Variants in DIAPH2 observed in about 807,000 individuals in gnomAD.
DIAPH2 encodes protein diaphanous homolog 2.
A neutral mutation model predicts 92.7 loss-of-function variants in DIAPH2; 35 were observed. The ratio of observed to expected loss-of-function variants is 0.38; its 90% CI spans 0.29 to 0.50. The LOEUF (loss-of-function observed/expected upper bound fraction) is 0.50. DIAPH2 is among the 20% of genes least tolerant of loss of function. The pLI, the probability that DIAPH2 is intolerant of heterozygous loss-of-function variation, is 0.94. For missense variants in DIAPH2, 701 were observed against 819.5 expected, an observed-to-expected ratio of 0.86 and a Z score of 1.77; for synonymous variants, 301 against 280.4, an observed-to-expected ratio of 1.07 and a Z score of -0.73.
intron 23 of DIAPH2, among the ~76,000 whole-genome samples, chrX:97,275,279 C>T (rs7053407): frequency 1.0e-5 from 1 of 97,301 alleles, no homozygotes; most frequent in Non-Finnish European, 2.1e-5. Context: ...GGCTGCCCCC[C>T]CAACCTCCCT....
At chrX:97,332,768 C>G (rs1416424130) in intron 23 of DIAPH2, among the ~76,000 whole-genome samples, 1 of 111,638 alleles carries the variant, frequency 9.0e-6, no homozygotes, top group African/African-American at 3.2e-5. Context: ...CACACACTCA[C>G]AAAGACTGCA....
intron 4 of DIAPH2, among the ~76,000 whole-genome samples, chrX:96,795,518 C>T (rs775367868): frequency 8.9e-6 from 1 of 111,807 alleles, no homozygotes; most frequent in South Asian, 3.7e-4. Flanking sequence ...TTTCTGTCTA[C>T]TTATTCTACC....
chrX:97,165,555 G>A (rs907422208), intron 22 of DIAPH2, among the ~76,000 whole-genome samples: 27 of 110,683 alleles, frequency 2.4e-4, no homozygotes, highest in Non-Finnish European at 4.7e-4. Flanking sequence ...GTGCAGTGGC[G>A]CCATCTCGGC....
At chrX:97,281,677 G>A (rs777735773) in intron 23 of DIAPH2, among the ~76,000 whole-genome samples, 96 of 108,888 alleles carry the variant, frequency 8.8e-4, no homozygotes, top group African/African-American at 3.1e-3. Context: ...CCAGGAGGCG[G>A]AGGTTGCAGT....
chrX:97,055,297 G>T (rs2066549497), intron 17 of DIAPH2, among the ~76,000 whole-genome samples: 1 of 111,060 alleles, frequency 9.0e-6, no homozygotes, highest in South Asian at 3.8e-4. Context: ...ATGAATGAAA[G>T]ATCTAAGCAA....
At chrX:96,718,995 A>C (rs1204695331) in intron 1 of DIAPH2, among the ~76,000 whole-genome samples, 1 of 111,418 alleles carries the variant, frequency 9.0e-6, no homozygotes, top group Non-Finnish European at 1.9e-5. Context: ...GTAACATGAT[A>C]CCTCTGTAAT....
chrX:97,109,403 C>T (rs2066964155), intron 20 of DIAPH2, among the ~76,000 whole-genome samples: 1 of 111,595 alleles, frequency 9.0e-6, no homozygotes, highest in South Asian at 3.8e-4. Flanking sequence ...GCTTGGGCAA[C>T]AGAGTGAGAC....
At chrX:97,064,907 C>T (rs1453052795) in intron 17 of DIAPH2, among the ~76,000 whole-genome samples, 1 of 110,981 alleles carries the variant, frequency 9.0e-6, no homozygotes, top group African/African-American at 3.3e-5. Flanking sequence ...CAGGGTGTTA[C>T]TTTGTTGAGT....
intron 20 of DIAPH2, among the ~76,000 whole-genome samples, chrX:97,112,632 A>G (rs902742043): frequency 5.5e-5 from 6 of 109,623 alleles, no homozygotes; most frequent in African/African-American, 2.0e-4. Context: ...ATTGTTTCCA[A>G]TTCTACCCCT....
At chrX:96,850,898 G>A (rs901741798) in intron 4 of DIAPH2, among the ~76,000 whole-genome samples, 1 of 111,863 alleles carries the variant, frequency 8.9e-6, no homozygotes, top group Non-Finnish European at 1.9e-5. Context: ...AGTAAAGAGA[G>A]TAATGTTTGG....
chrX:97,440,506 C>T (rs1245299926), intron 26 of DIAPH2, among the ~76,000 whole-genome samples: 2 of 106,502 alleles, frequency 1.9e-5, no homozygotes, highest in African/African-American at 6.9e-5. Context: ...GCAGGAGAAT[C>T]GCTTGAACCC....
At chrX:97,027,542 C>T (rs2066343777) in intron 17 of DIAPH2, among the ~76,000 whole-genome samples, 1 of 112,102 alleles carries the variant, frequency 8.9e-6, no homozygotes, top group Non-Finnish European at 1.9e-5. Flanking sequence ...AAAAAAGGCA[C>T]AGATACCAAA....
intron 26 of DIAPH2, among the ~76,000 whole-genome samples, chrX:97,535,234 T>C (rs1033652076): frequency 3.6e-5 from 4 of 112,247 alleles, no homozygotes; most frequent in African/African-American, 1.3e-4. Flanking sequence ...AGCACACTAG[T>C]ATAAGATATT....
chrX:96,934,165 T>C (rs1027134756), intron 10 of DIAPH2, among the ~76,000 whole-genome samples: 9 of 111,797 alleles, frequency 8.1e-5, no homozygotes, highest in Non-Finnish European at 1.5e-4. Flanking sequence ...GGTTAACATA[T>C]ACTACATACC....
At position 96,923,877 on chromosome X, in the gene DIAPH2, T is replaced by C. The variant is rs754364215; in HGVS notation, c.978+5260T>C. ...TGACCCTGACTCAACAGGAAATTGT[T>C]AAATTATATCTAGTTTATTTTGCGT... On this transcript the variant is annotated intron_variant, in intron 9 of 26. Transcript: ENST00000324765. Among the ~76,000 whole-genome samples the C allele has an allele frequency of 4.5e-5, 5 of 111,995 alleles. No homozygotes were observed. In the South Asian group the frequency reaches 1.9e-3, roughly 42 times the overall value.
intron 23 of DIAPH2, among the ~76,000 whole-genome samples, chrX:97,331,451 A>C (rs758089630): frequency 8.9e-6 from 1 of 112,166 alleles, no homozygotes; most frequent in Non-Finnish European, 1.9e-5. Context: ...CTACACGTAC[A>C]CAGAAATGCA....
chrX:97,150,596 T>A (rs2147422695), intron 22 of DIAPH2, among the ~76,000 whole-genome samples: 1 of 111,813 alleles, frequency 8.9e-6, no homozygotes, highest in South Asian at 3.8e-4. Flanking sequence ...ATGTATCTTT[T>A]TAAAGGCCCA....
intron 26 of DIAPH2, among the ~76,000 whole-genome samples, chrX:97,485,953 A>T (rs1301210115): frequency 9.1e-6 from 1 of 109,961 alleles, no homozygotes; most frequent in Non-Finnish European, 1.9e-5. Context: ...CACTTCTACA[A>T]AAAAGTCTTT....
rs367744725 is a variant in DIAPH2, at chrX:96,962,503, A to G, written c.1936-2590A>G. Among the ~76,000 whole-genome samples, 109 of 75,378 alleles carry G rather than the reference A, an allele frequency of 1.4e-3. 6 individuals carry two copies. Among genetic ancestry groups the G allele is most frequent in the Non-Finnish European group, 1.9e-3 (82 of 42,568 alleles). The allele number at this position is 75,378 out of a possible 115,157, so 65.5% of individuals were successfully genotyped here. A position where few individuals can be genotyped will look rare whatever the true frequency, so the allele number is the denominator to read the frequency against. On this transcript the variant is annotated intron_variant, in intron 16 of 26. Transcript: ENST00000324765. Reference sequence around the variant, plus strand: ...TACACACACACACACACACATATATATATATATATATATATATATACCTAC... The same window carrying G: ...TACACACACACACACACACATATATGTATATATATATATATATATACCTAC...
Sources: allele counts gnomAD v4.1 joint callset (sites outside exome capture counted in the v4.1 genomes callset), GRCh38; gene constraint gnomAD v4.1.1; transcripts MANE v1.5; gene names NCBI Gene and HGNC (gene_info 2026-07-23, HGNC 2026-07-21).